Variants in SEL1L observed in about 807,000 individuals in gnomAD.
The protein encoded by SEL1L is SEL1L adaptor subunit of SYVN1 ubiquitin ligase.
SEL1L carries 52 observed loss-of-function variants against 109.8 expected under a neutral mutation model. That is an observed-to-expected ratio of 0.47 (90% CI 0.38 to 0.60). The LOEUF (loss-of-function observed/expected upper bound fraction) is 0.60, where lower values mean the gene tolerates loss of function less well. SEL1L is among the 20% of genes least tolerant of loss of function. The pLI is 0.00. For synonymous variants in SEL1L, 373 were observed against 339.6 expected (o/e 1.10, Z -1.08); for missense variants, 749 against 962.2 (o/e 0.78, Z 2.93).
chr14:81,499,237 A>G, intron 8 of SEL1L: 3 of 1,227,006 alleles, frequency 2.4e-6, no homozygotes, highest in Non-Finnish European at 3.0e-6. Context: ...GCAATCAGCC[A>G]AACTAATCAT....
intron 1 of SEL1L, among the ~76,000 whole-genome samples, chr14:81,532,192 A>C (rs1885353736): frequency 6.6e-6 from 1 of 152,200 alleles, no homozygotes; most frequent in Non-Finnish European, 1.5e-5. Context: ...ATTTTCTTTA[A>C]ACTCTGCCAA....
rs1903041013 is a variant in SEL1L at position 81,472,529 on chromosome 14, G to C, written c.*4443C>G. Reference sequence around the variant, plus strand: ...TTCTCCTTTACTCAGAGCATATTTAGTCTAAATGTTACTGTGTGGTACGTG... The same window carrying C: ...TTCTCCTTTACTCAGAGCATATTTACTCTAAATGTTACTGTGTGGTACGTG... On this transcript the variant is annotated 3_prime_UTR_variant, in exon 21 of 21. Transcript: ENST00000336735. The C allele has an allele frequency of 4.8e-6, 2 of 418,718 alleles. No homozygotes were observed. The highest frequency in any genetic ancestry group is 9.2e-6 in the Non-Finnish European group (2 of 216,246). The allele number at this position is 418,718 out of a possible 1,614,324, so 25.9% of individuals were successfully genotyped here.
chr14:81,492,624 T>G (rs1310587716), intron 11 of SEL1L, 76 bp from the exon 12 acceptor site: 2 of 978,674 alleles, frequency 2.0e-6, no homozygotes, highest in Non-Finnish European at 3.0e-6. Context: ...AATAATTATT[T>G]CAGGAACATT....
chr14:81,520,822 C>G (rs1884878074), intron 3 of SEL1L, among the ~76,000 whole-genome samples: 1 of 152,132 alleles, frequency 6.6e-6, no homozygotes, highest in African/African-American at 2.4e-5. Flanking sequence ...TAGAAAATAT[C>G]ACATACACTA....
In SEL1L at chr14:81,495,064, A is replaced by T. The variant is rs749818198; in HGVS notation, c.1185+17T>A. On this transcript the variant is annotated intron_variant, in intron 11 of 20. Transcript: ENST00000336735. ...TGCTAAAACTGAGATGCAAAGCCCT[A>T]GGAACAGGGTAGTTACCTGATGATT... 11 of 1,612,176 alleles carry T rather than the reference A, an allele frequency of 6.8e-6. No individual in the cohort carries two copies. In the African/African-American group the frequency reaches 1.2e-4, roughly 18 times the overall value.
chr14:81,498,988 A>C, intron 8 of SEL1L: 5 of 433,538 alleles, frequency 1.2e-5, no homozygotes, highest in Non-Finnish European at 1.5e-5. Flanking sequence ...AACAGAAAGT[A>C]GAGCTCTCTG....
chr14:81,517,240 G>A (rs1003642903), intron 3 of SEL1L, among the ~76,000 whole-genome samples: 1 of 152,170 alleles, frequency 6.6e-6, no homozygotes, highest in Non-Finnish European at 1.5e-5. Context: ...CTTGCTGGAT[G>A]CCCCTGACTG....
At chr14:81,477,761 C>A (rs1447241274) in intron 20 of SEL1L, among the ~76,000 whole-genome samples, 1 of 152,000 alleles carries the variant, frequency 6.6e-6, no homozygotes, top group African/African-American at 2.4e-5. Flanking sequence ...TGCGGTGAGC[C>A]GAGACTGTGC....
At chr14:81,497,126 AATAAG>A (rs752124900) in intron 10 of SEL1L, among the ~76,000 whole-genome samples, 1 of 152,264 alleles carries the variant, frequency 6.6e-6, no homozygotes, top group Non-Finnish European at 1.5e-5. Context: ...ATAATGTAAA[AATAAG>A]ATGTTTAATT....
chr14:81,484,648 A>G, intron 18 of SEL1L: 1 of 335,726 alleles, frequency 3.0e-6, no homozygotes, highest in Non-Finnish European at 5.6e-6. Context: ...GTAGGGGGAC[A>G]GGTTTAATAT....
Position 81,475,830 on chromosome 14 carries a change from T to C in SEL1L, c.*1142A>G, listed in dbSNP as rs1341765115. On this transcript the variant is annotated 3_prime_UTR_variant, in exon 21 of 21. Coordinates refer to ENST00000336735, the MANE Select transcript of SEL1L (RefSeq NM_005065.6). ...CAGTGGCTGGCTTTCTATTATAATA[T>C]AAAACTATCAGAAATAAAAAGATAC... The C allele has an allele frequency of 1.3e-5, 2 of 152,150 alleles. No individual in the cohort carries two copies. The highest frequency in any genetic ancestry group is 2.9e-5 in the Non-Finnish European group (2 of 68,024). The allele number at this position is 152,150 out of a possible 1,614,324, so 9.4% of individuals were successfully genotyped here. A position where few individuals can be genotyped will look rare whatever the true frequency, so the allele number is the denominator to read the frequency against.
Position 81,486,366 on chromosome 14 carries a change from G to A in SEL1L, c.1721C>T (p.Ala574Val). 6.2e-7 allele frequency: 1 copy of A among 1,614,128 alleles called. No individual in the cohort carries two copies. The highest frequency in any genetic ancestry group is 8.5e-7 in the Non-Finnish European group (1 of 1,180,000). The change falls in exon 17 of 21, where the codon GCA (alanine) becomes GTA (valine). Residue 574 changes from alanine (A) to valine (V), a missense_variant. By Grantham distance (64) the Ala-to-Val change is moderately conservative (BLOSUM62 0). This residue lies in a region of SEL1L where 383 missense variants were observed against 562.5 expected (regional missense o/e 0.68). Coordinates refer to ENST00000336735, the MANE Select transcript of SEL1L (RefSeq NM_005065.6). Reference sequence around the variant, plus strand: ...AGCCAGGAGGAGGTACTGGATCACTGCAGCATTGTAATCGCCATCTTTATA... The same window carrying A: ...AGCCAGGAGGAGGTACTGGATCACTACAGCATTGTAATCGCCATCTTTATA... ...NSYKDGDYNA[A>V]VIQYLLLAEQ...
At chr14:81,500,394 A>G (rs1032343843) in intron 6 of SEL1L, among the ~76,000 whole-genome samples, 1 of 151,588 alleles carries the variant, frequency 6.6e-6, no homozygotes, top group African/African-American at 2.4e-5. Context: ...CACCATGCCC[A>G]GCTAATTTCC....
At chr14:81,530,837 T>C (rs1179889004) in intron 1 of SEL1L, among the ~76,000 whole-genome samples, 2 of 152,220 alleles carry the variant, frequency 1.3e-5, no homozygotes, top group African/African-American at 2.4e-5. Context: ...CTGGGCTACA[T>C]AGTGTAGCCT....
chr14:81,527,696 C>A lies in SEL1L; in HGVS notation c.108+5G>T, dbSNP rs754608079. 1.3e-6 allele frequency: 2 copies of A among 1,599,550 alleles called. No individual in the cohort carries two copies. Among genetic ancestry groups the A allele is most frequent in the Admixed American group, 1.7e-5 (1 of 58,228 alleles). ...ATACTGGCCAATACACATTTTAGTACATACCTTGGAATCTAAGGATTCATC... is the reference window on the plus strand; with the variant it reads ...ATACTGGCCAATACACATTTTAGTAAATACCTTGGAATCTAAGGATTCATC... On this transcript the variant is annotated splice_donor_5th_base_variant and intron_variant, in intron 2 of 20. Transcript: ENST00000336735.
At chr14:81,517,609 G>A (rs1232568713) in intron 3 of SEL1L, among the ~76,000 whole-genome samples, 1 of 152,088 alleles carries the variant, frequency 6.6e-6, no homozygotes, top group African/African-American at 2.4e-5. Context: ...TGAATTTACT[G>A]CTAGGAGGCT....
intron 14 of SEL1L, 102 bp from the exon 15 acceptor site, chr14:81,488,044 T>C: frequency 3.4e-6 from 3 of 872,828 alleles, no homozygotes; most frequent in Non-Finnish European, 1.8e-6. Flanking sequence ...TAAAAAAATA[T>C]TCCCAAAGAG....
rs757051640 is a variant in SEL1L, at chr14:81,499,602, G to A, written c.831+7C>T. 88 of 1,611,064 alleles carry A rather than the reference G, an allele frequency of 5.5e-5. No homozygotes were observed. The highest frequency in any genetic ancestry group is 6.5e-5 in the Non-Finnish European group (77 of 1,179,392). ...TGTAATATGCAATAAAGTTTTAATAGTATTACCTTTGCCTGACTTGAATTA... is the reference window on the plus strand; with the variant it reads ...TGTAATATGCAATAAAGTTTTAATAATATTACCTTTGCCTGACTTGAATTA... On this transcript the variant is annotated splice_region_variant and intron_variant, in intron 7 of 20. Coordinates refer to ENST00000336735, the MANE Select transcript of SEL1L (RefSeq NM_005065.6).
intron 13 of SEL1L, 85 bp downstream of exon 13, chr14:81,490,303 T>C (rs774778433): frequency 1.1e-4 from 111 of 985,508 alleles, no homozygotes; most frequent in Non-Finnish European, 1.5e-4. Context: ...GAGTTGGTTA[T>C]GATTAACCCT....
Sources: allele counts gnomAD v4.1 joint callset (sites outside exome capture counted in the v4.1 genomes callset), GRCh38; gene constraint gnomAD v4.1.1; regional missense constraint gnomAD v4.1.1; transcripts MANE v1.5; gene names NCBI Gene and HGNC (gene_info 2026-07-23, HGNC 2026-07-21).